The following FOCAD variants were observed in gnomAD, a reference collection of about 807,000 sequenced individuals.
FOCAD encodes KIAA1797.
FOCAD carries 198 observed loss-of-function variants against 225.6 expected under a neutral mutation model. The ratio of observed to expected loss-of-function variants is 0.88; its 90% CI spans 0.78 to 0.99. FOCAD has a LOEUF of 0.99. FOCAD is among the 50% of genes least tolerant of loss of function. The probability of loss-of-function intolerance (pLI) is 0.00; values close to 1 mark genes in which losing one functional copy is unlikely to be tolerated. For synonymous variants in FOCAD, 897 were observed against 755.0 expected, an observed-to-expected ratio of 1.19 and a Z score of -3.08; for missense variants, 2,713 against 2,123.6, an observed-to-expected ratio of 1.28 and a Z score of -5.46.
intron 42 of FOCAD, among the ~76,000 whole-genome samples, chr9:20,991,772 C>T (rs886084783): frequency 2.1e-5 from 3 of 146,322 alleles, no homozygotes; most frequent in Non-Finnish European, 4.4e-5. Flanking sequence ...GCAATCCCTC[C>T]GCTGCTCTGC....
At chr9:20,682,106 A>G (rs910242647), upstream of FOCAD, among the ~76,000 whole-genome samples, 1 of 152,226 alleles carries the variant, frequency 6.6e-6, no homozygotes, top group East Asian at 1.9e-4. Flanking sequence ...CTGTGATGAT[A>G]CACAGAAGGC....
At chr9:20,945,473 A>G (rs917328083) in intron 29 of FOCAD, among the ~76,000 whole-genome samples, 30 of 152,172 alleles carry the variant, frequency 2.0e-4, no homozygotes, top group African/African-American at 7.2e-4. Context: ...CCCATGAGCT[A>G]TTGATGAGTA....
chr9:20,755,002 A>C (rs970093827), intron 5 of FOCAD, among the ~76,000 whole-genome samples: 1 of 152,228 alleles, frequency 6.6e-6, no homozygotes, highest in African/African-American at 2.4e-5. Flanking sequence ...TTATGATTAA[A>C]GTATTAAAAT....
chr9:20,681,329 T>C (rs552104468), upstream of FOCAD, among the ~76,000 whole-genome samples: 78 of 152,206 alleles, frequency 5.1e-4, 2 homozygotes, highest in Non-Finnish European at 3.2e-4. Context: ...ACTCCTGGCC[T>C]CAAGTTATCC....
At chr9:20,728,900 A>G (rs1826432848) in intron 4 of FOCAD, among the ~76,000 whole-genome samples, 1 of 152,216 alleles carries the variant, frequency 6.6e-6, no homozygotes, top group Admixed American at 6.5e-5. Context: ...GGCCTCAGAA[A>G]CAAATGGGAT....
At chr9:20,689,880 A>C (rs542474037) in intron 1 of FOCAD, among the ~76,000 whole-genome samples, 1 of 152,380 alleles carries the variant, frequency 6.6e-6, no homozygotes, top group South Asian at 2.1e-4. Flanking sequence ...AAATTTAAAA[A>C]TAACATATAT....
chr9:20,784,478 GAA>G, intron 10 of FOCAD, among the ~76,000 whole-genome samples: 1 of 152,304 alleles, frequency 6.6e-6, no homozygotes. Flanking sequence ...GAAAGAATCG[GAA>G]AAGTTTTTTT....
chr9:20,709,546 C>T (rs1325074207), intron 1 of FOCAD, among the ~76,000 whole-genome samples: 2 of 148,636 alleles, frequency 1.3e-5, no homozygotes, highest in Non-Finnish European at 3.0e-5. Flanking sequence ...ACGTACTACA[C>T]TTGCCAATGC....
intron 2 of FOCAD, among the ~76,000 whole-genome samples, chr9:20,671,513 A>C (rs6475469): frequency 0.88 from 133,471 of 152,150 alleles, 58,631 homozygotes; most frequent in Middle Eastern, 0.92. Context: ...AGAGCAGAAT[A>C]TCTGTGTGTA....
At chr9:20,664,580 A>T (rs114398021) in intron 2 of FOCAD, among the ~76,000 whole-genome samples, 1 of 151,878 alleles carries the variant, frequency 6.6e-6, no homozygotes, top group Admixed American at 6.6e-5. Flanking sequence ...AAGGAACCTT[A>T]TAGTGGAGAG....
Position 20,822,047 on chromosome 9 carries a change from G to C in FOCAD, c.1794-942G>C, listed in dbSNP as rs1319183. On this transcript the variant is annotated intron_variant, in intron 14 of 43. Transcript: ENST00000338382. Reference sequence around the variant, plus strand: ...AAGGAGTTACATGTGTGTAACCCAAGAATTGGGAGTTTGAATTTTACTGAG... The same window carrying C: ...AAGGAGTTACATGTGTGTAACCCAACAATTGGGAGTTTGAATTTTACTGAG... 3.4e-5 allele frequency among the ~76,000 whole-genome samples: 4 copies of C among 118,082 alleles called. No homozygotes were observed. The Admixed American group carries it at 3.6e-4, about 11-fold the overall frequency. 77.5% of individuals were successfully genotyped at this position (118,082 alleles called of 152,430 possible). A position where few individuals can be genotyped will look rare whatever the true frequency, so the allele number is the denominator to read the frequency against.
At chr9:20,959,553 TA>T (rs908614055) in intron 35 of FOCAD, among the ~76,000 whole-genome samples, 2 of 152,164 alleles carry the variant, frequency 1.3e-5, no homozygotes, top group Non-Finnish European at 2.9e-5. Flanking sequence ...TAATCCCATT[TA>T]TTTTTGCTTT....
chr9:20,665,842 C>CT, intron 2 of FOCAD, among the ~76,000 whole-genome samples: 1 of 151,976 alleles, frequency 6.6e-6, no homozygotes, highest in East Asian at 1.9e-4. Context: ...ACCAGCCTGG[C>CT]CAACATGGTG....
chr9:20,944,529 C>T, intron 28 of FOCAD, 98 bp from the exon 29 acceptor site: 1 of 1,370,590 alleles, frequency 7.3e-7, no homozygotes, highest in Non-Finnish European at 1.0e-6. Flanking sequence ...CCAGCCATCT[C>T]ACCAAGGTTT....
intron 1 of FOCAD, among the ~76,000 whole-genome samples, chr9:20,696,713 G>A (rs1823400272): frequency 2.0e-5 from 3 of 152,346 alleles, no homozygotes; most frequent in African/African-American, 7.2e-5. Context: ...GCTGAGGTGA[G>A]AAGATTGCTT....
At chr9:20,976,380 A>C in intron 35 of FOCAD, 40 bp from the exon 36 acceptor site, 1 of 1,601,416 alleles carries the variant, frequency 6.2e-7, no homozygotes, top group African/African-American at 1.3e-5. Flanking sequence ...CCATGATAGT[A>C]TGCAGGTGTT....
At chr9:20,732,828 A>G (rs957047240) in intron 4 of FOCAD, among the ~76,000 whole-genome samples, 2 of 152,168 alleles carry the variant, frequency 1.3e-5, no homozygotes, top group South Asian at 2.1e-4. Context: ...CTGAATATGT[A>G]GATGACTGAA....
intron 9 of FOCAD, among the ~76,000 whole-genome samples, chr9:20,779,691 A>G (rs1028954939): frequency 6.6e-6 from 1 of 151,960 alleles, no homozygotes; most frequent in African/African-American, 2.4e-5. Flanking sequence ...CAGAGGTTGT[A>G]GTGAGCCGAG....
intron 7 of FOCAD, among the ~76,000 whole-genome samples, chr9:20,768,221 G>A (rs62557529): frequency 6.8e-6 from 1 of 146,378 alleles, no homozygotes; most frequent in Non-Finnish European, 1.5e-5. Context: ...CTGTTTTGGT[G>A]ACTGTAGCCT....
Sources: allele counts gnomAD v4.1 joint callset (sites outside exome capture counted in the v4.1 genomes callset), GRCh38; gene constraint gnomAD v4.1.1; transcripts MANE v1.5; gene names NCBI Gene and HGNC (gene_info 2026-07-23, HGNC 2026-07-21).